NGEF: variants seen among roughly 807,000 people sequenced by gnomAD.
The protein encoded by NGEF is neuronal guanine nucleotide exchange factor, also known as ephexin-1.
NGEF carries 31 observed loss-of-function variants against 80.9 expected under a neutral mutation model. The ratio of observed to expected loss-of-function variants is 0.38; its 90% CI spans 0.29 to 0.52. The LOEUF (loss-of-function observed/expected upper bound fraction) is 0.52, where lower values mean the gene tolerates loss of function less well. Ranked by LOEUF, NGEF falls within the 20% of genes least tolerant of loss-of-function variation. The pLI is 0.84. For missense variants in NGEF, 709 were observed against 926.2 expected (o/e 0.77, Z 3.04); for synonymous variants, 371 against 370.2 (o/e 1.00, Z -0.03).
At chr2:232,889,281 CAGAT>C (rs1691802280) in intron 8 of NGEF, among the ~76,000 whole-genome samples, 1 of 152,208 alleles carries the variant, frequency 6.6e-6, no homozygotes, top group Non-Finnish European at 1.5e-5. Context: ...TTGGTGGCCT[CAGAT>C]GGAGGGCAGT....
rs57143286 is a variant in NGEF, at chr2:232,988,036, CGTGTGTGTGTGTGTGT to C, written c.-74-13088_-74-13073del. On this transcript the variant is annotated intron_variant, in intron 1 of 14. Coordinates refer to ENST00000264051, the MANE Select transcript of NGEF (RefSeq NM_019850.3). ...GTCACCCTTCTGGAAGGGATGGTCT[CGTGTGTGTGTGTGTGT>C]GTGTGTGTGTGTGTGTGTGTGTGTG... 5.6e-4 allele frequency among the ~76,000 whole-genome samples: 79 copies of C among 140,358 alleles called. 2 individuals are homozygous for C. The highest frequency in any genetic ancestry group is 1.8e-3 in the African/African-American group (70 of 38,354). The allele number at this position is 140,358 out of a possible 152,430, so 92.1% of individuals were successfully genotyped here.
intron 1 of NGEF, among the ~76,000 whole-genome samples, chr2:233,010,090 A>G (rs1335913619): frequency 6.6e-6 from 1 of 152,002 alleles, no homozygotes; most frequent in Non-Finnish European, 1.5e-5. Context: ...ATGGGGTTTC[A>G]CTATGTTGAC....
At position 232,982,601 on chromosome 2, in the gene NGEF, C is replaced by T. The variant is rs191070818; in HGVS notation, c.-74-7637G>A. Among the ~76,000 whole-genome samples the T allele has an allele frequency of 6.5e-3, 985 of 152,294 alleles. 14 individuals are homozygous for T. The highest frequency in any genetic ancestry group is 0.023 in the African/African-American group (938 of 41,542). On this transcript the variant is annotated intron_variant, in intron 1 of 14. Transcript: ENST00000264051. ...CGATCTCAGCTAACTGCAACCTCCACCTCCCGGGTTCAAGCGATTCTCCTG... is the reference window on the plus strand; with the variant it reads ...CGATCTCAGCTAACTGCAACCTCCATCTCCCGGGTTCAAGCGATTCTCCTG...
chr2:232,883,998 G>C lies in NGEF; in HGVS notation c.1584C>G (p.Ile528Met), dbSNP rs61748689. ...CGACTCACCCTGGAATCTGCCGGCA[G>C]ATCACCAGCAGGTCGTTGAACAGGA... ...YLFLFNDLLV[I>M]CRQIPGDKYQ... is the part of the protein sequence containing the mutation. The change falls in exon 11 of 15, where the codon ATC becomes ATG. Residue 528 changes from isoleucine to methionine, a missense_variant. Around this residue, in one of 2 missense-constraint regions of NGEF, gnomAD observed 426 missense variants for 622.9 expected, o/e 0.68. Coordinates refer to ENST00000264051, the MANE Select transcript of NGEF (RefSeq NM_019850.3). 3.8e-4 allele frequency: 612 copies of C among 1,612,140 alleles called. 2 individuals carry two copies. The African/African-American group carries it at 7.5e-3, about 20-fold the overall frequency.
intron 5 of NGEF, among the ~76,000 whole-genome samples, chr2:232,905,067 T>C (rs576670448): frequency 3.3e-5 from 5 of 150,280 alleles, no homozygotes; most frequent in Non-Finnish European, 7.4e-5. Flanking sequence ...CTCTCCTCTC[T>C]CCTCTCCCCT....
At chr2:232,992,964 G>A (rs907082422) in intron 1 of NGEF, among the ~76,000 whole-genome samples, 1 of 148,228 alleles carries the variant, frequency 6.7e-6, no homozygotes, top group Non-Finnish European at 1.5e-5. Context: ...TCCAGCCTGG[G>A]TGATAGAGCG....
At position 232,881,119 on chromosome 2, in the gene NGEF, C is replaced by G. The variant is rs368595553; in HGVS notation, c.1942+27G>C. ...CTTGTGGGGCAAGTTCCCCTGGGGG[C>G]CCCGAGGGGAGGTCCCTGGGCCTCA... On this transcript the variant is annotated intron_variant, in intron 14 of 14. Coordinates refer to ENST00000264051, the MANE Select transcript of NGEF (RefSeq NM_019850.3). 1.9e-6 allele frequency: 3 copies of G among 1,597,474 alleles called. No individual in the cohort carries two copies. In the South Asian group the frequency reaches 3.3e-5, roughly 18 times the overall value.
In NGEF at chr2:232,906,256, C is replaced by T. The variant is rs577978017; in HGVS notation, c.829-11340G>A. On this transcript the variant is annotated intron_variant, in intron 5 of 14. Coordinates refer to ENST00000264051, the MANE Select transcript of NGEF (RefSeq NM_019850.3). ...CCCCCGCCCGGCCAGCCGCCCCATC[C>T]GGGAGGTGAGGGGCGCCTCTGCCCG... 2.1e-4 allele frequency among the ~76,000 whole-genome samples: 25 copies of T among 117,368 alleles called. No homozygotes were observed. In the South Asian group the frequency reaches 2.3e-3, roughly 11 times the overall value. 77.0% of individuals were successfully genotyped at this position (117,368 alleles called of 152,430 possible).
At chr2:232,896,798 A>G (rs1210816596) in intron 5 of NGEF, among the ~76,000 whole-genome samples, 62 of 15,164 alleles carry the variant, frequency 4.1e-3, no homozygotes, top group Non-Finnish European at 5.1e-3. Context: ...GTGAGGGTGA[A>G]GGTAGGGGTG....
intron 13 of NGEF, 77 bp from the exon 14 acceptor site, chr2:232,881,327 G>C: frequency 8.8e-7 from 1 of 1,133,146 alleles, no homozygotes; most frequent in Non-Finnish European, 1.3e-6. Context: ...CCGCAGCTGA[G>C]CCCTGCCTAG....
At chr2:232,981,671 C>T (rs1694431877) in intron 1 of NGEF, among the ~76,000 whole-genome samples, 1 of 152,178 alleles carries the variant, frequency 6.6e-6, no homozygotes, top group East Asian at 1.9e-4. Context: ...TCAATCAGTA[C>T]TCCCCACTTC....
intron 3 of NGEF, among the ~76,000 whole-genome samples, chr2:232,948,965 C>T (rs1382065663): frequency 6.6e-6 from 1 of 152,082 alleles, no homozygotes; most frequent in African/African-American, 2.4e-5. Flanking sequence ...TTGCAGTGAG[C>T]CAAGATCACG....
intron 1 of NGEF, among the ~76,000 whole-genome samples, chr2:233,000,896 G>A: frequency 6.6e-6 from 1 of 152,276 alleles, no homozygotes; most frequent in African/African-American, 2.4e-5. Context: ...AACTGGAGAA[G>A]GAATGAAGGG....
chr2:232,949,494 T>TTC, intron 3 of NGEF, among the ~76,000 whole-genome samples: 1 of 152,074 alleles, frequency 6.6e-6, no homozygotes, highest in Non-Finnish European at 1.5e-5. Flanking sequence ...TTTTTTTTTT[T>TTC]GAAATGGAGT....
chr2:232,911,271 T>C (rs1384012052), intron 5 of NGEF, among the ~76,000 whole-genome samples: 1 of 152,210 alleles, frequency 6.6e-6, no homozygotes, highest in Non-Finnish European at 1.5e-5. Context: ...ACTGTCCTTT[T>C]TCCATTAATT....
At chr2:232,974,990 T>C in intron 1 of NGEF, 26 bp from the exon 2 acceptor site, 1 of 1,212,348 alleles carries the variant, frequency 8.2e-7, no homozygotes, top group Non-Finnish European at 1.2e-6. Flanking sequence ...AAAACAATTT[T>C]CAGTTAGTCA....
At chr2:232,890,441 G>A (rs567502152) in intron 8 of NGEF, among the ~76,000 whole-genome samples, 1 of 152,036 alleles carries the variant, frequency 6.6e-6, no homozygotes, top group African/African-American at 2.4e-5. Context: ...CTTCCTTGGC[G>A]GCCTCTTCGG....
In NGEF at chr2:232,879,289, G is replaced by T. The variant is rs941063079; in HGVS notation, c.*200C>A. 1 of 561,166 alleles carries T rather than the reference G, an allele frequency of 1.8e-6. No individual in the cohort carries two copies. The highest frequency in any genetic ancestry group is 3.0e-5 in the Admixed American group (1 of 32,938). 34.8% of individuals were successfully genotyped at this position (561,166 alleles called of 1,614,324 possible). ...TTTACAAATGCATCAGGAGAGGCTT[G>T]GGCACCCTTTATCCAGTTTGCGAGC... On this transcript the variant is annotated 3_prime_UTR_variant, in exon 15 of 15. Transcript: ENST00000264051.
At chr2:232,933,663 A>C (rs1574621255) in intron 3 of NGEF, among the ~76,000 whole-genome samples, 1 of 152,136 alleles carries the variant, frequency 6.6e-6, no homozygotes. Context: ...GGTGGTGGGC[A>C]CTGGCCTCCC....
Sources: allele counts gnomAD v4.1 joint callset (sites outside exome capture counted in the v4.1 genomes callset), GRCh38; gene constraint gnomAD v4.1.1; regional missense constraint gnomAD v4.1.1; transcripts MANE v1.5; gene names NCBI Gene and HGNC (gene_info 2026-07-23, HGNC 2026-07-21).